Variants in MICAL2 observed in about 807,000 individuals in gnomAD.
MICAL2 encodes microtubule associated monooxygenase, calponin and LIM domain containing 2.
Under a neutral mutation model 127.3 loss-of-function variants are expected in MICAL2, and 77 were observed. The observed-to-expected ratio is 0.60, with a 90% CI of 0.50 to 0.73. MICAL2 has a LOEUF of 0.73. MICAL2 is among the 30% of genes least tolerant of loss of function. MICAL2 has a pLI of 0.00. For synonymous variants in MICAL2, 570 were observed against 551.1 expected, an observed-to-expected ratio of 1.03 and a Z score of -0.48; for missense variants, 1,351 against 1,434.4, an observed-to-expected ratio of 0.94 and a Z score of 0.94.
chr11:12,164,156 G>A (rs1229589947), intron 3 of MICAL2, among the ~76,000 whole-genome samples: 1 of 152,022 alleles, frequency 6.6e-6, no homozygotes, highest in Non-Finnish European at 1.5e-5. Context: ...TATTTTACAA[G>A]CTTTGGTAGC....
At chr11:12,200,765 A>G (rs1860604352) in intron 3 of MICAL2, among the ~76,000 whole-genome samples, 1 of 149,806 alleles carries the variant, frequency 6.7e-6, no homozygotes, top group South Asian at 2.1e-4. Context: ...GAGAATCAGA[A>G]ACTGTACACC....
downstream of MICAL2, chr11:12,294,923 C>A: frequency 7.3e-7 from 1 of 1,378,984 alleles, no homozygotes; most frequent in Non-Finnish European, 9.3e-7. Flanking sequence ...TTCATTGCAT[C>A]GACAAGCAGG....
rs1853536943 is a variant in MICAL2, at chr11:12,151,153, C to T, written c.-77-10926C>T. ...TTCTGAAACCAAGGAAATGAACTAGCTTATCTGTTCTAGTCTCCTGTCTTA... is the reference window on the plus strand; with the variant it reads ...TTCTGAAACCAAGGAAATGAACTAGTTTATCTGTTCTAGTCTCCTGTCTTA... On this transcript the variant is annotated intron_variant, in intron 2 of 27. Transcript: ENST00000683283. Among the ~76,000 whole-genome samples the T allele has an allele frequency of 2.0e-5, 3 of 152,032 alleles. No homozygotes were observed. The South Asian group carries it at 6.2e-4, about 32-fold the overall frequency.
At chr11:12,352,324 C>T (rs967987948) in intron 33 of MICAL2, among the ~76,000 whole-genome samples, 1 of 152,206 alleles carries the variant, frequency 6.6e-6, no homozygotes, top group Non-Finnish European at 1.5e-5. Context: ...TGGATAAGGT[C>T]ATAGACTCTA....
At chr11:12,323,202 A>G (rs1241286521) in intron 30 of MICAL2, among the ~76,000 whole-genome samples, 1 of 152,168 alleles carries the variant, frequency 6.6e-6, no homozygotes, top group African/African-American at 2.4e-5. Context: ...CTTCTACTTT[A>G]TATGCATCAA....
At chr11:12,336,515 C>A (rs140636616) in intron 32 of MICAL2, among the ~76,000 whole-genome samples, 16 of 151,946 alleles carry the variant, frequency 1.1e-4, no homozygotes, top group South Asian at 2.1e-4. Context: ...GAGAGAGGGC[C>A]TCCCTGTCTT....
intron 3 of MICAL2, among the ~76,000 whole-genome samples, chr11:12,200,333 A>G (rs1726427358): frequency 6.6e-6 from 1 of 152,202 alleles, no homozygotes; most frequent in Non-Finnish European, 1.5e-5. Context: ...GTCTGAGGAA[A>G]GAGCTCCTTC....
intron 29 of MICAL2, among the ~76,000 whole-genome samples, chr11:12,317,062 A>G (rs1375578781): frequency 1.3e-5 from 2 of 152,100 alleles, no homozygotes; most frequent in Non-Finnish European, 2.9e-5. Flanking sequence ...GTTTCTCTTT[A>G]TGTATCTATA....
chr11:12,259,333 A>G (rs1273563478), intron 25 of MICAL2, among the ~76,000 whole-genome samples: 7 of 152,188 alleles, frequency 4.6e-5, no homozygotes, highest in Non-Finnish European at 1.0e-4. Context: ...GTATATCAAG[A>G]ATAGTTTCCC....
intron 3 of MICAL2, among the ~76,000 whole-genome samples, chr11:12,177,960 GA>G (rs1857012938): frequency 6.6e-6 from 1 of 152,172 alleles, no homozygotes; most frequent in Non-Finnish European, 1.5e-5. Context: ...TCTCCCCTTG[GA>G]ATCTCCAGGG....
intron 13 of MICAL2, among the ~76,000 whole-genome samples, 170 bp from the exon 14 acceptor site, chr11:12,226,001 A>G (rs1175964404): frequency 6.6e-6 from 1 of 152,016 alleles, no homozygotes; most frequent in Non-Finnish European, 1.5e-5. Flanking sequence ...TGACCAGTGG[A>G]GTGGTGGGTG....
chr11:12,282,575 G>T (rs1272899678), intron 2 of MICAL2, among the ~76,000 whole-genome samples: 1 of 152,224 alleles, frequency 6.6e-6, no homozygotes, highest in Non-Finnish European at 1.5e-5. Context: ...CAGAGAGGCA[G>T]ACCATAATCC....
chr11:12,286,862 A>G (rs909798677), intron 2 of MICAL2: 2 of 330,720 alleles, frequency 6.0e-6, no homozygotes, highest in African/African-American at 4.2e-5. Context: ...TGACAAGCAA[A>G]CAAAAACACA....
intron 1 of MICAL2, among the ~76,000 whole-genome samples, chr11:12,116,037 G>C (rs960724279): frequency 1.3e-5 from 2 of 148,882 alleles, no homozygotes; most frequent in African/African-American, 2.5e-5. Context: ...CTGGAGTGCA[G>C]TGGGGCCATC....
intron 6 of MICAL2, 76 bp from the exon 7 acceptor site, chr11:12,213,179 G>C (rs1855722088): frequency 1.4e-6 from 2 of 1,478,694 alleles, no homozygotes; most frequent in Non-Finnish European, 1.8e-6. Context: ...TCTGGGAACA[G>C]CTCTCCCAAT....
intron 17 of MICAL2, 52 bp downstream of exon 17, chr11:12,239,637 A>T: frequency 6.3e-7 from 1 of 1,589,940 alleles, no homozygotes; most frequent in Non-Finnish European, 8.6e-7. Flanking sequence ...ACTTTTCAGC[A>T]GGAATGTTCT....
intron 2 of MICAL2, among the ~76,000 whole-genome samples, chr11:12,138,792 C>G (rs1295447058): frequency 6.6e-6 from 1 of 152,198 alleles, no homozygotes; most frequent in African/African-American, 2.4e-5. Context: ...CACAGGTGAC[C>G]AACAGCTGTT....
chr11:12,121,563 A>C (rs1322287050), intron 1 of MICAL2: 1 of 152,190 alleles, frequency 6.6e-6, no homozygotes, highest in Admixed American at 6.5e-5. Flanking sequence ...CTGTGTGCAC[A>C]TTGAGTTTCC....
intron 29 of MICAL2, among the ~76,000 whole-genome samples, chr11:12,310,823 T>C (rs1000331379): frequency 6.6e-6 from 1 of 152,110 alleles, no homozygotes; most frequent in African/African-American, 2.4e-5. Flanking sequence ...CTTTCCATGT[T>C]TTGGGTGTCT....
Sources: allele counts gnomAD v4.1 joint callset (sites outside exome capture counted in the v4.1 genomes callset), GRCh38; gene constraint gnomAD v4.1.1; transcripts MANE v1.5; gene names NCBI Gene and HGNC (gene_info 2026-07-23, HGNC 2026-07-21).